Variants in ANKRD17 observed in about 807,000 individuals in gnomAD.
The protein encoded by ANKRD17 is ankyrin repeat domain 17.
ANKRD17 carries 19 observed loss-of-function variants against 229.7 expected under a neutral mutation model. The ratio of observed to expected loss-of-function variants is 0.08; its 90% CI spans 0.06 to 0.12. ANKRD17 has a LOEUF of 0.12. ANKRD17 is among the 10% of genes least tolerant of loss of function. The pLI, the probability that ANKRD17 is intolerant of heterozygous loss-of-function variation, is 1.00. For missense variants in ANKRD17, 2,176 were observed against 3,176.8 expected (o/e 0.68, Z 7.57); for synonymous variants, 1,112 against 1,146.1 (o/e 0.97, Z 0.60).
At chr4:73,232,773 C>A (rs1488077850) in intron 1 of ANKRD17, among the ~76,000 whole-genome samples, 1 of 152,074 alleles carries the variant, frequency 6.6e-6, no homozygotes, top group African/African-American at 2.4e-5. Context: ...GCCCAGGCTA[C>A]AGTTCAGTGA....
At chr4:73,108,008 C>A (rs1056254837) in intron 24 of ANKRD17, among the ~76,000 whole-genome samples, 5 of 152,006 alleles carry the variant, frequency 3.3e-5, no homozygotes, top group African/African-American at 1.2e-4. Flanking sequence ...GATTATATAT[C>A]TATATTTTGA....
In ANKRD17 at chr4:73,147,325, C is replaced by T. The variant is rs776561130; in HGVS notation, c.1675G>A (p.Asp559Asn). 6.8e-6 allele frequency: 11 copies of T among 1,609,624 alleles called. No homozygotes were observed. The highest frequency in any genetic ancestry group is 1.7e-5 in the Admixed American group (1 of 59,610). The change falls in exon 9 of 34, where the codon GAT becomes AAT. Residue 559 changes from aspartate (D) to asparagine (N), a missense_variant. Transcript: ENST00000358602. ...GGGGTAGAACACCCTAGTTCTATAT[C>T]GGCTCCTGCCTTAATTAGAAAGTCT... ...VADFLIKAGADIELGCSTPLM... is the reference protein window; with the variant it reads ...VADFLIKAGANIELGCSTPLM...
At chr4:73,136,011 C>T (rs1315250730) in intron 15 of ANKRD17, among the ~76,000 whole-genome samples, 1 of 152,126 alleles carries the variant, frequency 6.6e-6, no homozygotes, top group African/African-American at 2.4e-5. Flanking sequence ...TACTATTATT[C>T]TAAGTATGAT....
intron 17 of ANKRD17, 43 bp downstream of exon 17, chr4:73,125,158 T>G: frequency 6.3e-7 from 1 of 1,591,920 alleles, no homozygotes; most frequent in East Asian, 2.2e-5. Context: ...TAAATAAATT[T>G]TTTGACCAGT....
chr4:73,092,620 TAC>T (rs1224886833), intron 28 of ANKRD17, among the ~76,000 whole-genome samples: 1 of 152,208 alleles, frequency 6.6e-6, no homozygotes, highest in East Asian at 1.9e-4. Context: ...TAAAATACAC[TAC>T]AGTTAGAAAA....
At chr4:73,231,661 C>A (rs1373162009) in intron 1 of ANKRD17, among the ~76,000 whole-genome samples, 1 of 152,116 alleles carries the variant, frequency 6.6e-6, no homozygotes, top group Non-Finnish European at 1.5e-5. Flanking sequence ...TATGTGGCTT[C>A]CTATATGCTA....
intron 14 of ANKRD17, 87 bp downstream of exon 14, chr4:73,141,654 T>C (rs1254474784): frequency 7.7e-7 from 1 of 1,302,582 alleles, no homozygotes; most frequent in Non-Finnish European, 1.1e-6. Context: ...TTAGTAAACT[T>C]CTTTGTTTGT....
At chr4:73,094,306 T>G (rs926627182) in intron 27 of ANKRD17, 78 bp from the exon 28 acceptor site, 6 of 1,298,726 alleles carry the variant, frequency 4.6e-6, no homozygotes, top group Admixed American at 1.9e-5. Context: ...GGAAAGAGTA[T>G]TACTAAAATG....
intron 2 of ANKRD17, 135 bp from the exon 3 acceptor site, chr4:73,161,483 C>T: frequency 1.2e-6 from 1 of 841,104 alleles, no homozygotes; most frequent in Non-Finnish European, 1.8e-6. Context: ...TATTGGCTGC[C>T]CAGCATCTTT....
chr4:73,223,174 C>CAA, intron 1 of ANKRD17: 1 of 731,754 alleles, frequency 1.4e-6, no homozygotes, highest in South Asian at 2.0e-5. Flanking sequence ...AGGCATCTAC[C>CAA]AAAAGAGCAG....
chr4:73,231,571 A>T (rs992672546), intron 1 of ANKRD17, among the ~76,000 whole-genome samples: 2 of 152,248 alleles, frequency 1.3e-5, no homozygotes, highest in African/African-American at 4.8e-5. Flanking sequence ...CTGTGATATC[A>T]TGAAATATAC....
At chr4:73,171,468 T>A (rs766354593) in intron 2 of ANKRD17, among the ~76,000 whole-genome samples, 1 of 152,182 alleles carries the variant, frequency 6.6e-6, no homozygotes, top group African/African-American at 2.4e-5. Context: ...GTGCAGACTG[T>A]GAAGACTATA....
Position 73,200,367 on chromosome 4 carries a change from C to T in ANKRD17, c.394-22834G>A, listed in dbSNP as rs370853012. 2.8e-4 allele frequency among the ~76,000 whole-genome samples: 42 copies of T among 152,176 alleles called. No individual in the cohort carries two copies. In the East Asian group the frequency reaches 2.9e-3, roughly 11 times the overall value. ...GTCCAAGGTACTTGGAAGGTTAAGG[C>T]AGGAGGATCATTTAAGCCCAAAAGT... is the stretch of plus-strand genomic sequence containing the variant. On this transcript the variant is annotated intron_variant, in intron 1 of 33. Transcript: ENST00000358602.
intron 21 of ANKRD17, 138 bp downstream of exon 21, chr4:73,120,024 A>T: frequency 2.4e-6 from 2 of 845,460 alleles, no homozygotes; most frequent in South Asian, 3.2e-5. Context: ...AACAATGGGT[A>T]GGTTTGGGGG....
chr4:73,168,047 G>A (rs1456715657), intron 2 of ANKRD17, among the ~76,000 whole-genome samples: 1 of 152,018 alleles, frequency 6.6e-6, no homozygotes, highest in African/African-American at 2.4e-5. Context: ...AGCTACAGCA[G>A]GAGGCTGAAG....
chr4:73,082,499 A>G (rs971939516), intron 30 of ANKRD17, among the ~76,000 whole-genome samples: 2 of 152,130 alleles, frequency 1.3e-5, no homozygotes, highest in Admixed American at 6.5e-5. Context: ...GTGAGAAGAA[A>G]AGGAGAGGAG....
In ANKRD17 at chr4:73,258,339, G is replaced by A; in HGVS notation, c.330C>T (p.Gly110=). 1 of 1,612,666 alleles carries A rather than the reference G, an allele frequency of 6.2e-7. No homozygotes were observed. The highest frequency in any genetic ancestry group is 8.5e-7 in the Non-Finnish European group (1 of 1,179,634). The part of the protein sequence containing the change: ...GGGGGGGGGG[G]TSSNNSEEEE... Reference sequence around the variant, plus strand: ...CTTCCTCGCTGTTGTTACTGCTGGTGCCGCCGCCGCCACCTCCGCCTCCAC... The same window carrying A: ...CTTCCTCGCTGTTGTTACTGCTGGTACCGCCGCCGCCACCTCCGCCTCCAC... The change falls in exon 1 of 34, where the codon GGC becomes GGT. Residue 110 remains glycine, a synonymous_variant. Coordinates refer to ENST00000358602, the MANE Select transcript of ANKRD17 (RefSeq NM_032217.5).
intron 1 of ANKRD17, among the ~76,000 whole-genome samples, chr4:73,210,449 G>A (rs1475644304): frequency 6.6e-6 from 1 of 152,042 alleles, no homozygotes; most frequent in African/African-American, 2.4e-5. Flanking sequence ...AAATAAATGA[G>A]TGTGTGTGTA....
intron 1 of ANKRD17, among the ~76,000 whole-genome samples, chr4:73,243,278 G>C (rs1744206474): frequency 6.6e-6 from 1 of 152,182 alleles, no homozygotes; most frequent in African/African-American, 2.4e-5. Flanking sequence ...ATTTCAGAAA[G>C]ATTAGCCTAA....
Sources: gnomAD v4.1 joint callset for allele counts (sites outside exome capture counted in the v4.1 genomes callset) on GRCh38, gnomAD v4.1.1 for gene constraint, MANE v1.5 for transcripts, NCBI Gene and HGNC (gene_info 2026-07-23, HGNC 2026-07-21) for gene names.